Variants in EPB41L4A observed in about 807,000 individuals in gnomAD.
The protein encoded by EPB41L4A is erythrocyte membrane protein band 4.1 like 4A.
In EPB41L4A, 100 loss-of-function variants were observed where a neutral mutation model predicts 108.6. The ratio of observed to expected loss-of-function variants is 0.92; its 90% confidence interval spans 0.78 to 1.09. The LOEUF (loss-of-function observed/expected upper bound fraction) is 1.09. Ranked by LOEUF, EPB41L4A falls within the 50% of genes least tolerant of loss-of-function variation. The pLI is 0.00. For synonymous variants in EPB41L4A, 319 were observed against 289.0 expected (o/e 1.10, Z -1.05); for missense variants, 1,030 against 842.7 (o/e 1.22, Z -2.75).
upstream of EPB41L4A, chr5:112,419,389 C>T (rs1048022683): frequency 5.6e-6 from 2 of 357,078 alleles, no homozygotes; most frequent in Non-Finnish European, 1.1e-5. Flanking sequence ...TCTCCTGGCA[C>T]TGGGGGCAAG....
downstream of EPB41L4A, among the ~76,000 whole-genome samples, chr5:112,158,659 G>A (rs781195292): frequency 4.6e-5 from 7 of 152,104 alleles, no homozygotes; most frequent in Admixed American, 6.5e-5. Context: ...CAATCATAGC[G>A]GAAGGGGAAG....
chr5:112,315,770 A>G (rs1255240010), intron 1 of EPB41L4A, among the ~76,000 whole-genome samples: 1 of 152,106 alleles, frequency 6.6e-6, no homozygotes, highest in Non-Finnish European at 1.5e-5. Context: ...ATGCAATAAA[A>G]ATAAAGATTA....
At chr5:112,177,132 G>A (rs1324369586) in intron 18 of EPB41L4A, among the ~76,000 whole-genome samples, 9 of 151,984 alleles carry the variant, frequency 5.9e-5, no homozygotes, top group Non-Finnish European at 1.5e-5. Context: ...CACTTTGGCC[G>A]TATCAGCTGA....
In EPB41L4A at chr5:112,237,972, T is replaced by C. The variant is rs139195533; in HGVS notation, c.965+1688A>G. On this transcript the variant is annotated intron_variant, in intron 11 of 22. Transcript: ENST00000261486. The stretch of plus-strand genomic sequence containing the variant: ...CTTCCTTGGAAGAAATGATACTTAA[T>C]ATGCAAAATCCAATAACTTCCTAAT... 2.0e-4 allele frequency among the ~76,000 whole-genome samples: 31 copies of C among 152,300 alleles called. No homozygotes were observed. In the East Asian group the frequency reaches 5.0e-3, roughly 25 times the overall value.
At chr5:112,395,938 T>C (rs1244832570) in intron 1 of EPB41L4A, among the ~76,000 whole-genome samples, 1 of 152,250 alleles carries the variant, frequency 6.6e-6, no homozygotes, top group African/African-American at 2.4e-5. Context: ...GATGAGTTCA[T>C]GTCCTTTGTA....
intron 12 of EPB41L4A, among the ~76,000 whole-genome samples, chr5:112,147,438 G>C (rs35487624): frequency 6.6e-6 from 1 of 151,872 alleles, no homozygotes; most frequent in Non-Finnish European, 1.5e-5. Flanking sequence ...TCAGGAGTTC[G>C]AGACCAGCCT....
At chr5:112,396,106 G>T (rs1761328356) in intron 1 of EPB41L4A, among the ~76,000 whole-genome samples, 3 of 152,110 alleles carry the variant, frequency 2.0e-5, no homozygotes, top group Non-Finnish European at 2.9e-5. Context: ...TCGTGGGGTT[G>T]GGGGAAGGGG....
At chr5:112,250,016 C>CAG (rs1254532232) in intron 9 of EPB41L4A, among the ~76,000 whole-genome samples, 1 of 151,984 alleles carries the variant, frequency 6.6e-6, no homozygotes, top group Non-Finnish European at 1.5e-5. Flanking sequence ...CATATAGATA[C>CAG]ACACACATTT....
chr5:112,378,756 AAAAC>A (rs1453748078), intron 1 of EPB41L4A, among the ~76,000 whole-genome samples: 1 of 152,226 alleles, frequency 6.6e-6, no homozygotes, highest in African/African-American at 2.4e-5. Flanking sequence ...CATGTCCTCT[AAAAC>A]AAACTTCTTC....
intron 22 of EPB41L4A, 34 bp from the exon 23 acceptor site, chr5:112,165,152 G>A: frequency 6.7e-7 from 1 of 1,503,524 alleles, no homozygotes; most frequent in Non-Finnish European, 9.1e-7. Flanking sequence ...GAAAGATTCA[G>A]AAGAAAACAG....
At chr5:112,231,033 G>A (rs1270856380) in intron 12 of EPB41L4A, among the ~76,000 whole-genome samples, 5 of 152,190 alleles carry the variant, frequency 3.3e-5, no homozygotes, top group African/African-American at 1.2e-4. Context: ...GAATAAAAAT[G>A]ATGAATACAC....
intron 1 of EPB41L4A, among the ~76,000 whole-genome samples, chr5:112,415,810 T>A (rs1361544590): frequency 1.3e-5 from 2 of 152,136 alleles, no homozygotes; most frequent in African/African-American, 4.8e-5. Flanking sequence ...AGCTCTCAGC[T>A]TATGTAAACT....
intron 2 of EPB41L4A, among the ~76,000 whole-genome samples, chr5:112,294,753 A>G (rs536401193): frequency 5.3e-5 from 8 of 152,144 alleles, no homozygotes; most frequent in Admixed American, 4.6e-4. Context: ...GCGTACCTGA[A>G]GTACGCATTT....
exon 14 of EPB41L4A, chr5:112,142,670 T>G (rs1383630228): frequency 6.6e-6 from 1 of 152,220 alleles, no homozygotes; most frequent in Non-Finnish European, 1.5e-5. Context: ...AAAGAAGTGT[T>G]GAAAGAGAAT....
intron 1 of EPB41L4A, among the ~76,000 whole-genome samples, chr5:112,398,745 T>C (rs1006694601): frequency 4.2e-4 from 64 of 152,136 alleles, no homozygotes; most frequent in African/African-American, 1.4e-3. Flanking sequence ...GTCTTTGCTA[T>C]AGACTCAGGT....
chr5:112,233,564 T>C (rs1749110223), intron 12 of EPB41L4A, among the ~76,000 whole-genome samples: 2 of 152,186 alleles, frequency 1.3e-5, no homozygotes, highest in Admixed American at 6.5e-5. Flanking sequence ...GTTACCTCAA[T>C]AGTGCTCCTT....
intron 12 of EPB41L4A, among the ~76,000 whole-genome samples, chr5:112,146,599 AT>A (rs1246832494): frequency 1.3e-5 from 2 of 152,354 alleles, no homozygotes; most frequent in African/African-American, 4.8e-5. Flanking sequence ...AATATAAAAA[AT>A]TTATTTTTGT....
At chr5:112,354,711 C>G (rs1580745012) in intron 1 of EPB41L4A, among the ~76,000 whole-genome samples, 1 of 152,298 alleles carries the variant, frequency 6.6e-6, no homozygotes, top group East Asian at 1.9e-4. Flanking sequence ...ATTTTTGAAT[C>G]TGGATTCCAC....
chr5:112,410,254 G>GT (rs1762330441), intron 1 of EPB41L4A, among the ~76,000 whole-genome samples: 1 of 152,240 alleles, frequency 6.6e-6, no homozygotes, highest in South Asian at 2.1e-4. Context: ...GTGGGAGAAA[G>GT]AATAGAAAGG....
Sources: gnomAD v4.1 joint callset for allele counts (sites outside exome capture counted in the v4.1 genomes callset) on GRCh38, gnomAD v4.1.1 for gene constraint, MANE v1.5 for transcripts, NCBI Gene and HGNC (gene_info 2026-07-23, HGNC 2026-07-21) for gene names.